COL25A1: variants seen among roughly 807,000 people sequenced by gnomAD.
The protein encoded by COL25A1 is collagen alpha-1(XXV) chain.
Under a neutral mutation model 128.4 loss-of-function variants are expected in COL25A1, and 103 were observed. The observed-to-expected ratio is 0.80, with a 90% CI of 0.68 to 0.94. COL25A1 has a LOEUF of 0.94. Among genes scored for constraint, COL25A1 ranks in the 40% least tolerant of loss-of-function variants. COL25A1 has a pLI of 0.00. For synonymous variants in COL25A1, 279 were observed against 277.2 expected (o/e 1.01, Z -0.06); for missense variants, 745 against 840.0 (o/e 0.89, Z 1.40).
At chr4:109,057,975 G>A (rs3096490) in intron 3 of COL25A1, among the ~76,000 whole-genome samples, 74,924 of 152,000 alleles carry the variant, frequency 0.49, 20,252 homozygotes, top group African/African-American at 0.7. Context: ...ATGGATTTCC[G>A]AACTGAGTGC....
intron 10 of COL25A1, among the ~76,000 whole-genome samples, chr4:108,940,215 T>C (rs370403244): frequency 6.6e-6 from 1 of 152,196 alleles, no homozygotes; most frequent in Non-Finnish European, 1.5e-5. Context: ...CACCTGGGAA[T>C]GGGCAACTCC....
chr4:109,263,072 T>C (rs777399682), intron 3 of COL25A1, among the ~76,000 whole-genome samples: 1 of 152,140 alleles, frequency 6.6e-6, no homozygotes, highest in African/African-American at 2.4e-5. Flanking sequence ...GAGGTTGCAG[T>C]GAGCCAAGAT....
intron 3 of COL25A1, among the ~76,000 whole-genome samples, chr4:109,137,416 C>T (rs557797156): frequency 6.6e-6 from 1 of 152,258 alleles, no homozygotes; most frequent in Admixed American, 6.5e-5. Flanking sequence ...AATCAGTCAA[C>T]AATCAATCTA....
At chr4:109,004,694 G>A (rs1755797393) in intron 6 of COL25A1, among the ~76,000 whole-genome samples, 1 of 152,008 alleles carries the variant, frequency 6.6e-6, no homozygotes, top group Non-Finnish European at 1.5e-5. Context: ...TCCTGCTTTT[G>A]CCATGTGACG....
intron 3 of COL25A1, among the ~76,000 whole-genome samples, chr4:109,141,978 T>G (rs941838347): frequency 2.3e-4 from 35 of 152,104 alleles, no homozygotes; most frequent in Non-Finnish European, 4.1e-4. Flanking sequence ...GCTTTTGAAT[T>G]TATTTGCTCT....
chr4:109,083,309 C>A (rs912394912), intron 3 of COL25A1, among the ~76,000 whole-genome samples: 1 of 151,676 alleles, frequency 6.6e-6, no homozygotes, highest in Non-Finnish European at 1.5e-5. Context: ...AAAAGGAAAG[C>A]CTAAAAAATG....
intron 3 of COL25A1, among the ~76,000 whole-genome samples, chr4:109,182,767 C>T (rs1352950924): frequency 6.6e-6 from 1 of 152,050 alleles, no homozygotes; most frequent in Non-Finnish European, 1.5e-5. Flanking sequence ...CATCACAAGA[C>T]CATTAGAATT....
At chr4:108,951,983 C>T (rs749624392) in intron 8 of COL25A1, among the ~76,000 whole-genome samples, 3 of 152,002 alleles carry the variant, frequency 2.0e-5, no homozygotes, top group Non-Finnish European at 4.4e-5. Flanking sequence ...GAGCCTAGTT[C>T]AAAATTAATG....
chr4:108,982,008 A>G (rs1753021245), intron 6 of COL25A1, among the ~76,000 whole-genome samples: 1 of 152,154 alleles, frequency 6.6e-6, no homozygotes, highest in African/African-American at 2.4e-5. Flanking sequence ...AGCCTGACCA[A>G]CATGGTGAAA....
At chr4:109,229,696 C>G (rs1779039194) in intron 3 of COL25A1, among the ~76,000 whole-genome samples, 1 of 152,120 alleles carries the variant, frequency 6.6e-6, no homozygotes, top group Admixed American at 6.6e-5. Context: ...AAGAGCTGAA[C>G]CGAGAAGGCA....
intron 8 of COL25A1, among the ~76,000 whole-genome samples, chr4:108,971,154 C>T (rs1370497029): frequency 6.6e-6 from 1 of 152,076 alleles, no homozygotes; most frequent in Non-Finnish European, 1.5e-5. Context: ...TTTCTAGCAC[C>T]TCTTGGTATA....
chr4:109,287,047 T>A (rs1723957898), intron 3 of COL25A1, among the ~76,000 whole-genome samples: 1 of 152,136 alleles, frequency 6.6e-6, no homozygotes, highest in African/African-American at 2.4e-5. Context: ...AGTATCATAA[T>A]ACACACACAC....
chr4:108,855,477 A>G (rs1736381028), intron 24 of COL25A1, among the ~76,000 whole-genome samples: 1 of 152,070 alleles, frequency 6.6e-6, no homozygotes, highest in African/African-American at 2.4e-5. Context: ...TCTTCCAATT[A>G]CATGTTACTT....
At chr4:108,841,808 T>C in intron 30 of COL25A1, 87 bp from the exon 31 acceptor site, 2 of 1,069,044 alleles carry the variant, frequency 1.9e-6, no homozygotes, top group East Asian at 2.4e-5. Context: ...ACAAAAGAGA[T>C]GTGAGACAAG....
intron 13 of COL25A1, among the ~76,000 whole-genome samples, chr4:108,913,012 TA>T (rs1486434708): frequency 2.6e-5 from 4 of 152,094 alleles, no homozygotes; most frequent in Non-Finnish European, 5.9e-5. Flanking sequence ...TTTGAAGTTT[TA>T]AAAATAACAA....
intron 3 of COL25A1, among the ~76,000 whole-genome samples, chr4:109,138,171 G>A (rs1230779717): frequency 6.6e-6 from 1 of 152,088 alleles, no homozygotes; most frequent in Non-Finnish European, 1.5e-5. Context: ...GGTGTGTGAT[G>A]TTCCTCTCCC....
intron 11 of COL25A1, among the ~76,000 whole-genome samples, chr4:108,923,789 C>A (rs750958086): frequency 2.0e-5 from 3 of 152,130 alleles, no homozygotes; most frequent in Non-Finnish European, 4.4e-5. Flanking sequence ...TTCAAGATTT[C>A]CAAAACAATT....
chr4:108,919,786 A>G (rs181010313), intron 12 of COL25A1, among the ~76,000 whole-genome samples: 670 of 152,058 alleles, frequency 4.4e-3, no homozygotes, highest in Non-Finnish European at 7.9e-3. Context: ...TTTGAGACCA[A>G]GTTTTGCTCT....
At position 108,913,261 on chromosome 4, in the gene COL25A1, C is replaced by CTTTTTTTTTTTTTTTTTT. The variant is rs201929872; in HGVS notation, c.780+4893_780+4910dup. On this transcript the variant is annotated intron_variant, in intron 13 of 37. Coordinates refer to ENST00000399132, the MANE Select transcript of COL25A1 (RefSeq NM_198721.4). Reference sequence around the variant, plus strand: ...TTTGTGTGGTCTCTGTCTCTAGCTCCTTTTTTTTTTTTTTTTTTTTTTAAG... The same window carrying CTTTTTTTTTTTTTTTTTT: ...TTTGTGTGGTCTCTGTCTCTAGCTCCTTTTTTTTTTTTTTTTTTTTTTTTTTTTTTTTTTTTTTTTAAG... Among the ~76,000 whole-genome samples, 21 of 92,416 alleles carry CTTTTTTTTTTTTTTTTTT rather than the reference C, an allele frequency of 2.3e-4. 2 individuals are homozygous for CTTTTTTTTTTTTTTTTTT. Among genetic ancestry groups the CTTTTTTTTTTTTTTTTTT allele is most frequent in the Non-Finnish European group, 3.4e-4 (16 of 47,238 alleles). 60.6% of individuals were successfully genotyped at this position (92,416 alleles called of 152,430 possible).
Sources: gnomAD v4.1 joint callset for allele counts (sites outside exome capture counted in the v4.1 genomes callset) on GRCh38, gnomAD v4.1.1 for gene constraint, MANE v1.5 for transcripts, NCBI Gene and HGNC (gene_info 2026-07-23, HGNC 2026-07-21) for gene names.